GPC6: variants seen among roughly 807,000 people sequenced by gnomAD.
The protein encoded by GPC6 is glypican-6.
A neutral mutation model predicts 55.2 loss-of-function variants in GPC6; 14 were observed. The ratio of observed to expected loss-of-function variants is 0.25; its 90% CI spans 0.17 to 0.40. The LOEUF (loss-of-function observed/expected upper bound fraction) is 0.40. GPC6 is among the 10% of genes least tolerant of loss of function. The pLI, the probability that GPC6 is intolerant of heterozygous loss-of-function variation, is 1.00. For missense variants in GPC6, 641 were observed against 708.5 expected, an observed-to-expected ratio of 0.90 and a Z score of 1.08; for synonymous variants, 278 against 259.6, an observed-to-expected ratio of 1.07 and a Z score of -0.68.
intron 3 of GPC6, among the ~76,000 whole-genome samples, chr13:93,992,088 T>C (rs1454379448): frequency 6.6e-6 from 1 of 151,614 alleles, no homozygotes; most frequent in East Asian, 1.9e-4. Flanking sequence ...GTTTACATAA[T>C]TTATATATGT....
At chr13:93,466,367 T>G (rs1349281489) in intron 1 of GPC6, among the ~76,000 whole-genome samples, 2 of 152,234 alleles carry the variant, frequency 1.3e-5, no homozygotes, top group Non-Finnish European at 2.9e-5. Flanking sequence ...GAATATTTAC[T>G]CATTTTTTAA....
intron 3 of GPC6, among the ~76,000 whole-genome samples, chr13:93,833,104 TGATAGAGAGAGA>T (rs1391690389): frequency 1.1e-4 from 7 of 61,664 alleles, no homozygotes; most frequent in Admixed American, 4.5e-4. Flanking sequence ...GATAGGTAGA[TGATAGAGAGAGA>T]GAGAGAGAGA....
intron 3 of GPC6, among the ~76,000 whole-genome samples, chr13:94,015,002 C>G (rs1287991959): frequency 6.6e-6 from 1 of 152,074 alleles, no homozygotes; most frequent in Admixed American, 6.6e-5. Flanking sequence ...GACATTTGTG[C>G]AAAAGTTTTT....
At chr13:93,646,828 A>C (rs927114294) in intron 2 of GPC6, among the ~76,000 whole-genome samples, 1 of 151,656 alleles carries the variant, frequency 6.6e-6, no homozygotes, top group African/African-American at 2.4e-5. Context: ...AGAAATAATT[A>C]GATTTTTTGG....
intron 2 of GPC6, among the ~76,000 whole-genome samples, chr13:93,617,123 A>G (rs772204018): frequency 2.0e-5 from 3 of 152,126 alleles, no homozygotes; most frequent in Non-Finnish European, 4.4e-5. Flanking sequence ...AGTAATATTG[A>G]GGATGATGAT....
chr13:94,253,602 G>C (rs577029063), intron 4 of GPC6, among the ~76,000 whole-genome samples: 1 of 152,074 alleles, frequency 6.6e-6, no homozygotes, highest in Non-Finnish European at 1.5e-5. Flanking sequence ...AGATGAATCT[G>C]TAATCTTGGT....
chr13:94,387,956 G>T (rs2139214694), intron 7 of GPC6, among the ~76,000 whole-genome samples: 1 of 152,272 alleles, frequency 6.6e-6, no homozygotes, highest in Admixed American at 6.5e-5. Flanking sequence ...GGTAAGTCTA[G>T]GGTAGAACCT....
chr13:93,491,753 C>G (rs1459880109), intron 1 of GPC6, among the ~76,000 whole-genome samples: 1 of 126,012 alleles, frequency 7.9e-6, no homozygotes, highest in Non-Finnish European at 1.7e-5. Context: ...AGCCAGTTTT[C>G]CCAGCACCAT....
upstream of GPC6, among the ~76,000 whole-genome samples, chr13:93,223,293 G>T (rs557696955): frequency 1.1e-4 from 17 of 152,240 alleles, 1 homozygote; most frequent in South Asian, 3.3e-3. Flanking sequence ...AAGTCTCTGA[G>T]GTTCCATTCA....
intron 3 of GPC6, among the ~76,000 whole-genome samples, chr13:93,834,018 G>A (rs541462233): frequency 2.6e-5 from 4 of 152,080 alleles, no homozygotes; most frequent in Non-Finnish European, 4.4e-5. Flanking sequence ...GATGAGAGGT[G>A]GAATATCAGG....
intron 4 of GPC6, among the ~76,000 whole-genome samples, chr13:94,212,590 A>G (rs1365823043): frequency 6.6e-6 from 1 of 152,166 alleles, no homozygotes; most frequent in Non-Finnish European, 1.5e-5. Context: ...ATATAGTTCT[A>G]TTTGCACTTA....
chr13:93,331,910 C>T (rs995476525), intron 1 of GPC6, among the ~76,000 whole-genome samples: 9 of 152,090 alleles, frequency 5.9e-5, no homozygotes, highest in African/African-American at 1.9e-4. Flanking sequence ...TACTCTCTAC[C>T]TCTATGACAT....
chr13:93,496,062 C>G (rs7330703), intron 1 of GPC6, among the ~76,000 whole-genome samples: 22,077 of 152,008 alleles, frequency 0.15, 1,833 homozygotes, highest in Non-Finnish European at 0.19. Context: ...CCAGTTGGAG[C>G]TTCCTGGCTG....
At chr13:93,992,177 G>A (rs1021236125) in intron 3 of GPC6, among the ~76,000 whole-genome samples, 11 of 146,344 alleles carry the variant, frequency 7.5e-5, no homozygotes, top group Non-Finnish European at 1.2e-4. Flanking sequence ...AGATATGTGT[G>A]TATATATATA....
intron 4 of GPC6, among the ~76,000 whole-genome samples, chr13:94,199,872 C>A (rs1180361754): frequency 6.6e-6 from 1 of 152,106 alleles, no homozygotes. Context: ...TAAAAATATT[C>A]CAGGTCAGGC....
intron 1 of GPC6, among the ~76,000 whole-genome samples, chr13:93,444,195 C>CTTCTTTTTTTTTTTTTTTTTT (rs755978023): frequency 9.0e-6 from 1 of 110,706 alleles, no homozygotes; most frequent in Non-Finnish European, 1.9e-5. Flanking sequence ...TGCAATTCTT[C>CTTCTTTTTTTTTTTTTTTTTT]TTTTTTTTTT....
intron 1 of GPC6, among the ~76,000 whole-genome samples, chr13:93,480,387 G>C (rs889780249): frequency 6.6e-6 from 1 of 152,070 alleles, no homozygotes; most frequent in Admixed American, 6.6e-5. Context: ...TTGATACTAT[G>C]AACAGAAGTT....
intron 4 of GPC6, among the ~76,000 whole-genome samples, chr13:94,173,233 A>G (rs1888632881): frequency 6.6e-6 from 1 of 152,194 alleles, no homozygotes. Context: ...ACTACACTAT[A>G]TAAAGAATGG....
At chr13:93,272,768 T>C (rs957963086) in intron 1 of GPC6, among the ~76,000 whole-genome samples, 5 of 152,134 alleles carry the variant, frequency 3.3e-5, no homozygotes, top group African/African-American at 7.2e-5. Flanking sequence ...GAACAGACAG[T>C]GGACCACAGA....
Sources: gnomAD v4.1 joint callset for allele counts (sites outside exome capture counted in the v4.1 genomes callset) on GRCh38, gnomAD v4.1.1 for gene constraint, MANE v1.5 for transcripts, NCBI Gene and HGNC (gene_info 2026-07-23, HGNC 2026-07-21) for gene names.